Variants in ACKR2 observed in about 807,000 individuals in gnomAD.
The protein encoded by ACKR2 is C-C chemokine receptor D6.
For synonymous variants in ACKR2, 207 were observed against 192.2 expected (o/e 1.08, Z -0.64); for missense variants, 457 against 477.3 (o/e 0.96, Z 0.40).
At chr3:42,813,595 A>G (rs1700716425) in intron 1 of ACKR2, among the ~76,000 whole-genome samples, 1 of 152,194 alleles carries the variant, frequency 6.6e-6, no homozygotes, top group Non-Finnish European at 1.5e-5. Flanking sequence ...AGCAAGGAGA[A>G]AGTCCACCCC....
At chr3:42,857,595 AG>A (rs2088335352) in intron 2 of ACKR2, among the ~76,000 whole-genome samples, 1 of 152,210 alleles carries the variant, frequency 6.6e-6, no homozygotes, top group African/African-American at 2.4e-5. Flanking sequence ...ACTAAGAGGG[AG>A]AAAAGTTTAG....
At chr3:42,811,986 C>T (rs939581960) in intron 1 of ACKR2, among the ~76,000 whole-genome samples, 6 of 152,156 alleles carry the variant, frequency 3.9e-5, no homozygotes, top group South Asian at 2.1e-4. Context: ...TTCCCCTAGC[C>T]GAGATAGTGA....
At chr3:42,830,026 A>T (rs1046271560) in intron 2 of ACKR2, among the ~76,000 whole-genome samples, 1 of 151,838 alleles carries the variant, frequency 6.6e-6, no homozygotes, top group Non-Finnish European at 1.5e-5. Flanking sequence ...TCTAATATTT[A>T]CTAAACAAAT....
intron 2 of ACKR2, among the ~76,000 whole-genome samples, chr3:42,845,781 G>C (rs1463740995): frequency 6.6e-6 from 1 of 150,806 alleles, no homozygotes; most frequent in Non-Finnish European, 1.5e-5. Context: ...CCTGGAAGGC[G>C]GAGGCTGCAG....
chr3:42,830,130 C>G (rs191657928), intron 2 of ACKR2, among the ~76,000 whole-genome samples: 34 of 152,292 alleles, frequency 2.2e-4, no homozygotes, highest in African/African-American at 7.5e-4. Context: ...CTCTTTCCTG[C>G]CTAACTGTCC....
chr3:42,862,101 A>G (rs555913417), intron 2 of ACKR2, among the ~76,000 whole-genome samples: 2 of 152,338 alleles, frequency 1.3e-5, no homozygotes, highest in South Asian at 2.1e-4. Context: ...ACATGATTGT[A>G]TATTTAGAAA....
At chr3:42,821,039 C>T (rs1000754170) in intron 2 of ACKR2, among the ~76,000 whole-genome samples, 4 of 152,066 alleles carry the variant, frequency 2.6e-5, no homozygotes, top group Admixed American at 6.5e-5. Flanking sequence ...TGGCTGCCAC[C>T]ATGCCCGGCT....
At position 42,847,429 on chromosome 3, in the gene ACKR2, A is replaced by G. The variant is rs1412650307; in HGVS notation, c.-37-17037A>G. The stretch of plus-strand genomic sequence containing the variant: ...TGTTAGGAAGATCTGAGGTTCTGGC[A>G]TAACAGCAAATAAAAGTGAGTAAAT... On this transcript the variant is annotated intron_variant, in intron 2 of 2. Transcript: ENST00000422265. Among the ~76,000 whole-genome samples the G allele has an allele frequency of 4.6e-5, 7 of 152,192 alleles. No individual in the cohort carries two copies. In the East Asian group the frequency reaches 1.3e-3, roughly 29 times the overall value.
intron 1 of ACKR2, among the ~76,000 whole-genome samples, chr3:42,815,049 A>G (rs193202639): frequency 6.6e-6 from 1 of 152,328 alleles, no homozygotes; most frequent in Admixed American, 6.5e-5. Flanking sequence ...GTCAGAGAGA[A>G]TAATGAAAAG....
At chr3:42,819,194 A>G (rs1462278739) in intron 1 of ACKR2, among the ~76,000 whole-genome samples, 1 of 152,204 alleles carries the variant, frequency 6.6e-6, no homozygotes, top group Non-Finnish European at 1.5e-5. Context: ...ATGAGTAGGA[A>G]GACTTTGGTC....
intron 2 of ACKR2, among the ~76,000 whole-genome samples, chr3:42,821,042 G>C (rs1559684158): frequency 6.6e-6 from 1 of 152,038 alleles, no homozygotes; most frequent in Non-Finnish European, 1.5e-5. Flanking sequence ...CTGCCACCAT[G>C]CCCGGCTAAT....
intron 1 of ACKR2, among the ~76,000 whole-genome samples, chr3:42,809,838 G>T (rs560389455): frequency 2.6e-5 from 4 of 151,948 alleles, no homozygotes; most frequent in African/African-American, 9.7e-5. Flanking sequence ...CTCCAGCCTG[G>T]GCAACAAAGC....
At chr3:42,838,073 AATT>A (rs368417024) in intron 2 of ACKR2, among the ~76,000 whole-genome samples, 1 of 152,340 alleles carries the variant, frequency 6.6e-6, no homozygotes, top group African/African-American at 2.4e-5. Context: ...TAAAACCTAA[AATT>A]ATAAAATTTC....
intron 2 of ACKR2, among the ~76,000 whole-genome samples, chr3:42,850,421 A>T (rs1029335076): frequency 2.0e-5 from 3 of 152,204 alleles, no homozygotes; most frequent in Non-Finnish European, 4.4e-5. Flanking sequence ...TAGGTCACAC[A>T]GCCAGTAAAT....
At chr3:42,818,171 A>C (rs1270446136) in intron 1 of ACKR2, among the ~76,000 whole-genome samples, 1 of 152,162 alleles carries the variant, frequency 6.6e-6, no homozygotes, top group South Asian at 2.1e-4. Context: ...GTGTCCATAA[A>C]TGAGCCGTGT....
intron 2 of ACKR2, chr3:42,856,015 C>T (rs773436316): frequency 2.2e-5 from 5 of 228,826 alleles, no homozygotes; most frequent in African/African-American, 4.5e-5. Flanking sequence ...TGATAAGACC[C>T]GAGTATACTC....
At chr3:42,858,351 G>T (rs2088344291) in intron 2 of ACKR2, among the ~76,000 whole-genome samples, 1 of 152,216 alleles carries the variant, frequency 6.6e-6, no homozygotes, top group East Asian at 1.9e-4. Context: ...TTGCTGTTTT[G>T]CAGCCTCTGC....
intron 2 of ACKR2, among the ~76,000 whole-genome samples, chr3:42,860,634 CA>C (rs1421639930): frequency 2.6e-5 from 4 of 152,088 alleles, no homozygotes; most frequent in African/African-American, 9.7e-5. Context: ...TCAGCAAATG[CA>C]AAAGAATGGA....
At position 42,865,109 on chromosome 3, in the gene ACKR2, G is replaced by A. The variant is rs1334026871; in HGVS notation, c.607G>A (p.Gly203Arg). 5 of 1,613,864 alleles carry A rather than the reference G, an allele frequency of 3.1e-6. No individual in the cohort carries two copies. Residue 203 changes from glycine to arginine, a missense_variant, in exon 3 of 3, where the codon GGG becomes AGG. Coordinates refer to ENST00000422265, the MANE Select transcript of ACKR2 (RefSeq NM_001296.5). ...CTGCCACGCAGATTTCGGCGGGCATGGGACCATTTGGAAGCTCTTCCTCCG... is the reference window on the plus strand; with the variant it reads ...CTGCCACGCAGATTTCGGCGGGCATAGGACCATTTGGAAGCTCTTCCTCCG... ...WNCHADFGGH[G>R]TIWKLFLRFQ...
Sources: allele counts gnomAD v4.1 joint callset (sites outside exome capture counted in the v4.1 genomes callset), GRCh38; gene constraint gnomAD v4.1.1; transcripts MANE v1.5; gene names NCBI Gene and HGNC (gene_info 2026-07-23, HGNC 2026-07-21).